The following SCAF8 variants were observed in gnomAD, a reference collection of about 807,000 sequenced individuals.
SCAF8 encodes the protein SR-related CTD associated factor 8.
In SCAF8, 23 loss-of-function variants were observed where a neutral mutation model predicts 140.5. The observed-to-expected ratio is 0.16, with a 90% CI of 0.12 to 0.23. SCAF8 has a LOEUF of 0.23. Ranked by LOEUF, SCAF8 falls within the 10% of genes least tolerant of loss-of-function variation. SCAF8 has a pLI of 1.00. For synonymous variants in SCAF8, 575 were observed against 528.9 expected, an observed-to-expected ratio of 1.09 and a Z score of -1.20; for missense variants, 1,397 against 1,555.7, an observed-to-expected ratio of 0.90 and a Z score of 1.72.
chr6:154,788,702 TATG>T (rs1273694725), intron 4 of SCAF8, among the ~76,000 whole-genome samples: 11 of 152,336 alleles, frequency 7.2e-5, no homozygotes, highest in African/African-American at 1.9e-4. Context: ...ATTCTTCTAT[TATG>T]GTAGAATTTT....
At chr6:154,758,032 T>G (rs112240847) in intron 1 of SCAF8, among the ~76,000 whole-genome samples, 15 of 150,896 alleles carry the variant, frequency 9.9e-5, no homozygotes, top group Admixed American at 1.3e-4. Flanking sequence ...CACCTCAGCC[T>G]CCTCAGCAGC....
At chr6:154,750,528 A>C (rs1305409933) in intron 1 of SCAF8, among the ~76,000 whole-genome samples, 1 of 152,182 alleles carries the variant, frequency 6.6e-6, no homozygotes, top group Non-Finnish European at 1.5e-5. Context: ...CTCTGTGTGA[A>C]GTATGCTTGA....
chr6:154,808,241 G>A (rs1777980067), intron 10 of SCAF8, 40 bp downstream of exon 10: 5 of 1,572,668 alleles, frequency 3.2e-6, no homozygotes, highest in African/African-American at 1.4e-5. Context: ...ATTTCTAAAA[G>A]TAGCTAAAGA....
intron 1 of SCAF8, among the ~76,000 whole-genome samples, chr6:154,759,192 A>G (rs1779039657): frequency 6.6e-6 from 1 of 152,338 alleles, no homozygotes; most frequent in East Asian, 1.9e-4. Context: ...TGCGAAAGCA[A>G]GGCCTCGTAG....
chr6:154,804,306 A>G (rs934798822), intron 8 of SCAF8, among the ~76,000 whole-genome samples: 5 of 152,206 alleles, frequency 3.3e-5, no homozygotes, highest in African/African-American at 1.2e-4. Flanking sequence ...GTTAGATACA[A>G]ATGTATCATT....
intron 4 of SCAF8, among the ~76,000 whole-genome samples, chr6:154,790,355 A>G (rs939950304): frequency 1.3e-5 from 2 of 152,266 alleles, no homozygotes; most frequent in East Asian, 3.9e-4. Flanking sequence ...TGAAATACAC[A>G]AATTTGCACA....
chr6:154,741,595 C>T lies in SCAF8; in HGVS notation c.30+7665C>T, dbSNP rs1023907287. The stretch of plus-strand genomic sequence containing the variant: ...CTAATTTTTGTAATTTTAGTAGAGA[C>T]GGGGTTTCACCATGTTGGCCAGGCT... On this transcript the variant is annotated intron_variant, in intron 1 of 19. Coordinates refer to ENST00000367178, the MANE Select transcript of SCAF8 (RefSeq NM_014892.5). Among the ~76,000 whole-genome samples, 9 of 152,076 alleles carry T rather than the reference C, an allele frequency of 5.9e-5. No individual in the cohort carries two copies. The East Asian group carries it at 9.7e-4, about 16-fold the overall frequency.
At position 154,808,735 on chromosome 6, in the gene SCAF8, A is replaced by T; in HGVS notation, c.1163A>T (p.Glu388Val). Reference protein sequence around the residue: ...GQDGVEEEVFEQEAKKVAVRS... With the variant: ...GQDGVEEEVFVQEAKKVAVRS... ...GATGGAGTGGAAGAGGAGGTCTTTG[A>T]ACAAGAAGCTAAGAAAGTGGCGGTT... The change falls in exon 11 of 20, where the codon GAA becomes GTA. Residue 388 changes from glutamate (E) to valine (V), a missense_variant. By Grantham distance (121) the Glu-to-Val change is moderately radical. Around this residue, in one of 5 missense-constraint regions of SCAF8, gnomAD observed 339 missense variants for 407.5 expected, o/e 0.83. Transcript: ENST00000367178. 6.2e-7 allele frequency: 1 copy of T among 1,613,974 alleles called. No homozygotes were observed. The highest frequency in any genetic ancestry group is 8.5e-7 in the Non-Finnish European group (1 of 1,179,878).
chr6:154,778,635 A>G (rs982957156), intron 3 of SCAF8, among the ~76,000 whole-genome samples: 1 of 152,094 alleles, frequency 6.6e-6, no homozygotes, highest in Admixed American at 6.6e-5. Flanking sequence ...CTGGTAGTGC[A>G]TGCCTGTAAT....
rs1352480451 is a variant in SCAF8 at position 154,831,003 on chromosome 6, C to T, written c.2222C>T (p.Ser741Phe). Reference protein sequence around the residue: ...GFGSLVIPGGSVASNLATSAL... With the variant: ...GFGSLVIPGGFVASNLATSAL... The stretch of plus-strand genomic sequence containing the variant: ...GGTAGCCTTGTTATACCAGGCGGTT[C>T]TGTTGCCAGCAATCTTGCTACTTCC... Residue 741 changes from serine to phenylalanine, a missense_variant, in exon 19 of 20, where the codon TCT becomes TTT. By Grantham distance (155) the Ser-to-Phe change is radical. This residue lies in a region of SCAF8 where 930 missense variants were observed against 874.6 expected (regional missense o/e 1.06). Coordinates refer to ENST00000367178, the MANE Select transcript of SCAF8 (RefSeq NM_014892.5). The T allele has an allele frequency of 1.9e-6, 3 of 1,613,968 alleles. No individual in the cohort carries two copies. The highest frequency in any genetic ancestry group is 2.5e-6 in the Non-Finnish European group (3 of 1,179,964).
At chr6:154,827,289 TTA>T (rs1291089408) in intron 18 of SCAF8, 49 bp downstream of exon 18, 1 of 1,274,154 alleles carries the variant, frequency 7.8e-7, no homozygotes, top group African/African-American at 1.5e-5. Flanking sequence ...AGTGTTAATT[TTA>T]GTGTGTCAGT....
At chr6:154,819,037 T>C (rs1778336441) in intron 14 of SCAF8, among the ~76,000 whole-genome samples, 1 of 152,146 alleles carries the variant, frequency 6.6e-6, no homozygotes, top group Non-Finnish European at 1.5e-5. Flanking sequence ...GTGAAGAGAT[T>C]ATCTATCAGA....
chr6:154,792,005 TTTA>T (rs1777434742), intron 4 of SCAF8, among the ~76,000 whole-genome samples: 1 of 152,014 alleles, frequency 6.6e-6, no homozygotes, highest in Non-Finnish European at 1.5e-5. Flanking sequence ...TTTTTTATTT[TTTA>T]TTATTTTTTT....
chr6:154,827,312 G>T (rs1311019193), intron 18 of SCAF8, 72 bp downstream of exon 18: 1 of 942,548 alleles, frequency 1.1e-6, no homozygotes. Context: ...TCTCATTCTT[G>T]TGAATTACCG....
At chr6:154,784,158 T>TATATATATATATATA (rs61247250) in intron 3 of SCAF8, among the ~76,000 whole-genome samples, 1 of 133,284 alleles carries the variant, frequency 7.5e-6, no homozygotes, top group African/African-American at 2.8e-5. Context: ...TATATATATA[T>TATATATATATATATA]TTATTTATTT....
chr6:154,820,483 G>A (rs865841871), intron 15 of SCAF8, 150 bp downstream of exon 15: 7 of 598,488 alleles, frequency 1.2e-5, no homozygotes, highest in African/African-American at 1.9e-5. Context: ...TAGTGTACAT[G>A]CTTAATGGGA....
chr6:154,770,369 T>TACACAC (rs1226898910), intron 1 of SCAF8, among the ~76,000 whole-genome samples: 200 of 146,246 alleles, frequency 1.4e-3, no homozygotes, highest in Middle Eastern at 3.6e-3. Flanking sequence ...GAGGTTGAGG[T>TACACAC]ACACACACAC....
intron 2 of SCAF8, among the ~76,000 whole-genome samples, chr6:154,777,751 T>C (rs1428859715): frequency 6.6e-6 from 1 of 152,210 alleles, no homozygotes; most frequent in African/African-American, 2.4e-5. Context: ...ATAGCATTAT[T>C]TTATATCTGT....
At chr6:154,775,445 CTT>C (rs1388300094) in intron 2 of SCAF8, among the ~76,000 whole-genome samples, 1 of 152,124 alleles carries the variant, frequency 6.6e-6, no homozygotes, top group African/African-American at 2.4e-5. Flanking sequence ...AATTGATGCA[CTT>C]TTCATAACTT....
Sources: allele counts gnomAD v4.1 joint callset (sites outside exome capture counted in the v4.1 genomes callset), GRCh38; gene constraint gnomAD v4.1.1; regional missense constraint gnomAD v4.1.1; transcripts MANE v1.5; gene names NCBI Gene and HGNC (gene_info 2026-07-23, HGNC 2026-07-21).